Variants in GMDS observed in about 807,000 individuals in gnomAD.
GMDS encodes the protein GDP-mannose 4,6-dehydratase.
In GMDS, 20 loss-of-function variants were observed where a neutral mutation model predicts 49.9. The observed-to-expected ratio is 0.40, with a 90% CI of 0.28 to 0.58. The LOEUF (loss-of-function observed/expected upper bound fraction) is 0.58. Ranked by LOEUF, GMDS falls within the 20% of genes least tolerant of loss-of-function variation. The pLI is 0.42. For missense variants in GMDS, 362 were observed against 481.4 expected (o/e 0.75, Z 2.32); for synonymous variants, 177 against 178.6 (o/e 0.99, Z 0.07).
At chr6:1,702,233 C>T (rs148060767) in intron 9 of GMDS, among the ~76,000 whole-genome samples, 1 of 152,218 alleles carries the variant, frequency 6.6e-6, no homozygotes, top group Admixed American at 6.5e-5. Flanking sequence ...TGCTAGAGAG[C>T]CTTGGAGAGA....
chr6:1,809,688 A>G (rs982452188), intron 7 of GMDS, among the ~76,000 whole-genome samples: 1 of 152,220 alleles, frequency 6.6e-6, no homozygotes, highest in African/African-American at 2.4e-5. Flanking sequence ...AGAACTAGTG[A>G]CAAAGAAGAG....
At chr6:2,206,295 G>A (rs1779804756) in intron 1 of GMDS, among the ~76,000 whole-genome samples, 1 of 151,734 alleles carries the variant, frequency 6.6e-6, no homozygotes, top group Non-Finnish European at 1.5e-5. Context: ...ACTCTGAAAT[G>A]AGTTTTCCCA....
Position 1,778,897 on chromosome 6 carries a change from C to A in GMDS, c.772-36311G>T, listed in dbSNP as rs912496060. Among the ~76,000 whole-genome samples, 1 of 151,996 alleles carries A rather than the reference C, an allele frequency of 6.6e-6. No homozygotes were observed. The highest frequency in any genetic ancestry group is 1.5e-5 in the Non-Finnish European group (1 of 68,000). ...ACGCCTGAAAATGTTTTTCCAACCC[C>A]AACACCCCTGCTGCCCTCCTGGTTC... On this transcript the variant is annotated intron_variant, in intron 7 of 10. Coordinates refer to ENST00000380815, the MANE Select transcript of GMDS (RefSeq NM_001500.4). The surrounding 1 kb of genome is among the most constrained non-coding windows in gnomAD (Gnocchi z 4.6).
chr6:2,025,384 G>C (rs1171861359), intron 4 of GMDS, among the ~76,000 whole-genome samples: 1 of 150,646 alleles, frequency 6.6e-6, no homozygotes, highest in Non-Finnish European at 1.5e-5. Context: ...GTGTGTGTGT[G>C]TGTGTGTGTG....
intron 4 of GMDS, 27 bp downstream of exon 4, chr6:2,115,744 C>G (rs1156986517): frequency 8.5e-7 from 1 of 1,176,778 alleles, no homozygotes; most frequent in East Asian, 2.3e-5. Context: ...GAAACACGGC[C>G]AGAGAAATCC....
At position 1,895,705 on chromosome 6, in the gene GMDS, C is replaced by T. The variant is rs187316095; in HGVS notation, c.771+34398G>A. On this transcript the variant is annotated intron_variant, in intron 7 of 10. Coordinates refer to ENST00000380815, the MANE Select transcript of GMDS (RefSeq NM_001500.4). ...AGAAATGTGTAACAAAATGAACATG[C>T]ACGCCAGTTATGCCCTGTCAGTTTG... Among the ~76,000 whole-genome samples, 5 of 152,278 alleles carry T rather than the reference C, an allele frequency of 3.3e-5. No individual in the cohort carries two copies. The East Asian group carries it at 9.7e-4, about 29-fold the overall frequency.
At chr6:1,853,472 C>T (rs975738089) in intron 7 of GMDS, among the ~76,000 whole-genome samples, 2 of 141,558 alleles carry the variant, frequency 1.4e-5, no homozygotes, top group African/African-American at 2.8e-5. Context: ...GAGCTGAGAT[C>T]GCGCCACTGC....
intron 1 of GMDS, among the ~76,000 whole-genome samples, chr6:2,173,051 A>G (rs1432889309): frequency 1.3e-5 from 2 of 152,242 alleles, no homozygotes; most frequent in East Asian, 3.8e-4. Flanking sequence ...TAAAATTACT[A>G]ATTTTAAAAT....
In GMDS at chr6:1,658,095, T is replaced by C. The variant is rs558693485; in HGVS notation, c.988-33555A>G. ...TACCTGAATGATTATCTAGAAAACGTGCCTCTGAATTCCAAGTGAAAAGAC... is the reference window on the plus strand; with the variant it reads ...TACCTGAATGATTATCTAGAAAACGCGCCTCTGAATTCCAAGTGAAAAGAC... On this transcript the variant is annotated intron_variant, in intron 9 of 10. Transcript: ENST00000380815. Among the ~76,000 whole-genome samples the C allele has an allele frequency of 3.9e-5, 6 of 152,306 alleles. No individual in the cohort carries two copies. The East Asian group carries it at 1.2e-3, about 29-fold the overall frequency.
intron 8 of GMDS, among the ~76,000 whole-genome samples, chr6:1,738,117 C>T (rs543871759): frequency 6.8e-6 from 1 of 146,398 alleles, no homozygotes; most frequent in Admixed American, 6.9e-5. Flanking sequence ...TACACACACA[C>T]CACACACCCA....
chr6:1,915,474 G>C (rs1761331390), intron 7 of GMDS, among the ~76,000 whole-genome samples: 1 of 152,246 alleles, frequency 6.6e-6, no homozygotes, highest in Admixed American at 6.5e-5. Flanking sequence ...TGCAGGGCCA[G>C]CAGCTCCCAG....
At chr6:1,736,059 G>C (rs902922862) in intron 8 of GMDS, among the ~76,000 whole-genome samples, 2 of 152,140 alleles carry the variant, frequency 1.3e-5, no homozygotes, top group South Asian at 4.1e-4. Flanking sequence ...CCTTAGTTAA[G>C]AAGGAAAATG....
intron 1 of GMDS, among the ~76,000 whole-genome samples, chr6:2,176,230 T>C (rs1778278483): frequency 6.6e-6 from 1 of 152,228 alleles, no homozygotes; most frequent in Non-Finnish European, 1.5e-5. Context: ...TTAGCAATTT[T>C]CTAAACAAAT....
chr6:1,778,487 G>C lies in GMDS; in HGVS notation c.772-35901C>G, dbSNP rs1768932608. ...CTGTGGAATTCAAGAGGAGGGGGCAGCCTTCCTGACCTGGAACTTACTCCA... is the reference window on the plus strand; with the variant it reads ...CTGTGGAATTCAAGAGGAGGGGGCACCCTTCCTGACCTGGAACTTACTCCA... On this transcript the variant is annotated intron_variant, in intron 7 of 10. Coordinates refer to ENST00000380815, the MANE Select transcript of GMDS (RefSeq NM_001500.4). The surrounding 1 kb of genome is among the most constrained non-coding windows in gnomAD (Gnocchi z 4.6). 6.6e-6 allele frequency among the ~76,000 whole-genome samples: 1 copy of C among 152,196 alleles called. No individual in the cohort carries two copies. The highest frequency in any genetic ancestry group is 1.5e-5 in the Non-Finnish European group (1 of 68,036).
At chr6:2,242,355 A>C (rs1781651582) in intron 1 of GMDS, among the ~76,000 whole-genome samples, 1 of 152,252 alleles carries the variant, frequency 6.6e-6, no homozygotes, top group East Asian at 1.9e-4. Context: ...GCAAAGCCAG[A>C]GCCTGAGCTT....
In GMDS at chr6:1,996,380, G is replaced by A. The variant is rs542796325; in HGVS notation, c.346-35414C>T. 2.6e-5 allele frequency among the ~76,000 whole-genome samples: 4 copies of A among 152,162 alleles called. No individual in the cohort carries two copies. In the South Asian group the frequency reaches 6.2e-4, roughly 24 times the overall value. Reference sequence around the variant, plus strand: ...CACTGCTGTCCTTTCTCTCTGCCCTGCCATTTCTCTTCCCATTCTCTTCTT... The same window carrying A: ...CACTGCTGTCCTTTCTCTCTGCCCTACCATTTCTCTTCCCATTCTCTTCTT... On this transcript the variant is annotated intron_variant, in intron 4 of 10. Transcript: ENST00000380815.
At chr6:2,175,943 T>C (rs1043611700) in intron 1 of GMDS, 1 of 1,486,334 alleles carries the variant, frequency 6.7e-7, no homozygotes. Context: ...ATTTTACACA[T>C]GAGGAACCAG....
chr6:1,725,067 T>C (rs7754564), intron 9 of GMDS, among the ~76,000 whole-genome samples: 127,516 of 152,216 alleles, frequency 0.84, 53,889 homozygotes, highest in East Asian at 1. Context: ...ACTGGGGTTT[T>C]CCTAACCTCT....
At chr6:1,894,562 C>A (rs146961650) in intron 7 of GMDS, among the ~76,000 whole-genome samples, 1 of 152,044 alleles carries the variant, frequency 6.6e-6, no homozygotes, top group South Asian at 2.1e-4. Flanking sequence ...TGAGAGCACC[C>A]GTTTATCTCA....
Sources: allele counts gnomAD v4.1 joint callset (sites outside exome capture counted in the v4.1 genomes callset), GRCh38; gene constraint gnomAD v4.1.1; non-coding constraint Gnocchi (gnomAD v3.1); transcripts MANE v1.5; gene names NCBI Gene and HGNC (gene_info 2026-07-23, HGNC 2026-07-21).